Variants in KIF21A observed in about 807,000 individuals in gnomAD.
KIF21A encodes kinesin-like protein KIF21A.
In KIF21A, 114 loss-of-function variants were observed where a neutral mutation model predicts 202.9. That is an observed-to-expected ratio of 0.56 (90% CI 0.48 to 0.66). The LOEUF (loss-of-function observed/expected upper bound fraction) is 0.66, where lower values mean the gene tolerates loss of function less well. Among genes scored for constraint, KIF21A ranks in the 30% least tolerant of loss-of-function variants. KIF21A has a pLI of 0.00. For missense variants in KIF21A, 1,677 were observed against 1,994.9 expected (o/e 0.84, Z 3.04); for synonymous variants, 667 against 670.8 (o/e 0.99, Z 0.09).
In KIF21A at chr12:39,332,331, T is replaced by G; in HGVS notation, c.2934A>C (p.Gly978=). The change falls in exon 21 of 38, where the codon GGA becomes GGC. Residue 978 remains glycine (G), a synonymous_variant. Coordinates refer to ENST00000361418, the MANE Select transcript of KIF21A (RefSeq NM_001173464.2). The part of the protein sequence containing the change: ...REKIVKENGE[G]DKNVANINEE... ...CATTGATATTAGCCACATTTTTATCTCCCTCTCCATTCTCCTTGACTATCT... is the reference window on the plus strand; with the variant it reads ...CATTGATATTAGCCACATTTTTATCGCCCTCTCCATTCTCCTTGACTATCT... The G allele has an allele frequency of 1.9e-6, 3 of 1,613,790 alleles. No homozygotes were observed. The highest frequency in any genetic ancestry group is 2.5e-6 in the Non-Finnish European group (3 of 1,179,778).
At chr12:39,432,622 T>TC (rs1329364970) in intron 1 of KIF21A, among the ~76,000 whole-genome samples, 1 of 152,096 alleles carries the variant, frequency 6.6e-6, no homozygotes, top group Non-Finnish European at 1.5e-5. Flanking sequence ...AAATTCTTTT[T>TC]TTTTTTTTAA....
chr12:39,406,823 T>C (rs1413797325), intron 1 of KIF21A, among the ~76,000 whole-genome samples: 1 of 152,130 alleles, frequency 6.6e-6, no homozygotes, highest in Non-Finnish European at 1.5e-5. Context: ...AAAAGACTCA[T>C]TCGTAATCTC....
intron 7 of KIF21A, among the ~76,000 whole-genome samples, chr12:39,362,888 A>T (rs1310368856): frequency 2.6e-5 from 4 of 152,350 alleles, no homozygotes; most frequent in South Asian, 4.1e-4. Flanking sequence ...AGAAAATAGA[A>T]TAATAATACC....
chr12:39,378,774 G>T (rs930497109), intron 1 of KIF21A, among the ~76,000 whole-genome samples: 1 of 152,070 alleles, frequency 6.6e-6, no homozygotes, highest in African/African-American at 2.4e-5. Context: ...GTAGGGGAAC[G>T]ATAAGTAAAT....
chr12:39,401,871 T>C (rs1391914018), intron 1 of KIF21A, among the ~76,000 whole-genome samples: 1 of 152,198 alleles, frequency 6.6e-6, no homozygotes, highest in African/African-American at 2.4e-5. Context: ...TAGAAATACA[T>C]GAAAACCACA....
At chr12:39,362,133 A>T (rs899096392) in intron 7 of KIF21A, among the ~76,000 whole-genome samples, 1 of 152,050 alleles carries the variant, frequency 6.6e-6, no homozygotes, top group African/African-American at 2.4e-5. Flanking sequence ...CATGACTGTA[A>T]GTTTCCTGTG....
chr12:39,396,188 C>A (rs1035095599), intron 1 of KIF21A, among the ~76,000 whole-genome samples: 7 of 152,164 alleles, frequency 4.6e-5, no homozygotes, highest in Non-Finnish European at 1.0e-4. Context: ...ATATCCCATA[C>A]CAAGTTGCCC....
At chr12:39,337,926 T>C (rs973677422) in intron 16 of KIF21A, among the ~76,000 whole-genome samples, 2 of 152,238 alleles carry the variant, frequency 1.3e-5, no homozygotes, top group Non-Finnish European at 2.9e-5. Flanking sequence ...CAATTATGTA[T>C]AGTCCATGAT....
At chr12:39,305,909 T>C (rs1297414668) in intron 34 of KIF21A, among the ~76,000 whole-genome samples, 1 of 152,238 alleles carries the variant, frequency 6.6e-6, no homozygotes, top group Admixed American at 6.5e-5. Flanking sequence ...ATGTACATCA[T>C]ATATACACAT....
At chr12:39,366,172 G>A (rs1429790513) in intron 6 of KIF21A, among the ~76,000 whole-genome samples, 178 bp downstream of exon 6, 1 of 151,944 alleles carries the variant, frequency 6.6e-6, no homozygotes, top group Non-Finnish European at 1.5e-5. Flanking sequence ...TATAAAAACA[G>A]AAAAAAGCCT....
intron 1 of KIF21A, among the ~76,000 whole-genome samples, chr12:39,434,922 G>C (rs1938471301): frequency 6.6e-6 from 1 of 152,108 alleles, no homozygotes; most frequent in Non-Finnish European, 1.5e-5. Context: ...AAATAATGTG[G>C]ATATCTATTC....
At chr12:39,353,155 G>C (rs149328702) in intron 10 of KIF21A, among the ~76,000 whole-genome samples, 367 of 152,184 alleles carry the variant, frequency 2.4e-3, no homozygotes, top group Admixed American at 5.4e-3. Context: ...AGTCAGCTCA[G>C]TGCTTTTCCA....
At chr12:39,437,946 A>G (rs781403503) in intron 1 of KIF21A, among the ~76,000 whole-genome samples, 8 of 152,184 alleles carry the variant, frequency 5.3e-5, no homozygotes, top group African/African-American at 1.7e-4. Flanking sequence ...CCTCACATGT[A>G]TATCTAGAGT....
chr12:39,308,383 G>A (rs1255896736), intron 33 of KIF21A, among the ~76,000 whole-genome samples: 3 of 148,862 alleles, frequency 2.0e-5, no homozygotes, highest in East Asian at 3.9e-4. Flanking sequence ...GCAAGACTCC[G>A]TCTCAAAAAA....
At chr12:39,319,312 G>A (rs1423047749) in intron 28 of KIF21A, among the ~76,000 whole-genome samples, 1 of 152,182 alleles carries the variant, frequency 6.6e-6, no homozygotes, top group Non-Finnish European at 1.5e-5. Flanking sequence ...TCTGCATGCT[G>A]TCATGTTGCA....
At chr12:39,419,862 G>A (rs1198201113) in intron 1 of KIF21A, among the ~76,000 whole-genome samples, 1 of 152,052 alleles carries the variant, frequency 6.6e-6, no homozygotes, top group African/African-American at 2.4e-5. Context: ...CCTAAAAGAA[G>A]AGAATTCTGG....
At chr12:39,333,331 T>A (rs137980091) in intron 17 of KIF21A, 51 bp from the exon 18 acceptor site, 1 of 1,280,088 alleles carries the variant, frequency 7.8e-7, no homozygotes, top group East Asian at 2.3e-5. Context: ...AGATACAATA[T>A]TTCCTATTCC....
intron 1 of KIF21A, among the ~76,000 whole-genome samples, chr12:39,421,754 C>T (rs1201478398): frequency 2.1e-5 from 3 of 143,188 alleles, no homozygotes; most frequent in South Asian, 2.2e-4. Context: ...CACATACACA[C>T]ATATATATTT....
intron 1 of KIF21A, among the ~76,000 whole-genome samples, chr12:39,412,176 G>A (rs7979444): frequency 0.3 from 44,993 of 151,964 alleles, 8,352 homozygotes; most frequent in African/African-American, 0.52. Context: ...CAAAGAACAC[G>A]TAATAAATTT....
Sources: gnomAD v4.1 joint callset for allele counts (sites outside exome capture counted in the v4.1 genomes callset) on GRCh38, gnomAD v4.1.1 for gene constraint, MANE v1.5 for transcripts, NCBI Gene and HGNC (gene_info 2026-07-23, HGNC 2026-07-21) for gene names.